The following KTN1 variants were observed in gnomAD, a reference collection of about 807,000 sequenced individuals.
KTN1 encodes the protein kinectin.
KTN1 carries 130 observed loss-of-function variants against 222.5 expected under a neutral mutation model. The observed-to-expected ratio is 0.58, with a 90% CI of 0.51 to 0.68. The LOEUF (loss-of-function observed/expected upper bound fraction) is 0.68, where lower values mean the gene tolerates loss of function less well. Among genes scored for constraint, KTN1 ranks in the 30% least tolerant of loss-of-function variants. KTN1 has a pLI of 0.00. For missense variants in KTN1, 1,508 were observed against 1,500.4 expected (o/e 1.01, Z -0.08); for synonymous variants, 512 against 496.3 (o/e 1.03, Z -0.42).
Position 55,637,103 on chromosome 14 carries a change from A to G in KTN1, c.1550-95A>G, listed in dbSNP as rs2041217021. 6.0e-6 allele frequency: 5 copies of G among 838,310 alleles called. No homozygotes were observed. In the Admixed American group the frequency reaches 1.5e-4, roughly 24 times the overall value. The allele number at this position is 838,310 out of a possible 1,614,324, so 51.9% of individuals were successfully genotyped here. On this transcript the variant is annotated intron_variant, in intron 10 of 43. Coordinates refer to ENST00000395314, the MANE Select transcript of KTN1 (RefSeq NM_001079521.2). ...GAATGGAAGCAGGAGAGATTCAAAG[A>G]AGGTTTTCTAGAGGAGAGAATGCCT...
rs555892551 is a variant in KTN1 at position 55,645,079 on chromosome 14, T to C, written c.2173-1894T>C. Among the ~76,000 whole-genome samples, 5 of 152,300 alleles carry C rather than the reference T, an allele frequency of 3.3e-5. No individual in the cohort carries two copies. In the East Asian group the frequency reaches 7.7e-4, roughly 23 times the overall value. On this transcript the variant is annotated intron_variant, in intron 18 of 43. Transcript: ENST00000395314. ...TATGGTGAATGAAGTTTCTGAACTCTATACAGGTTTAGAGGAAGAGATAAT... is the reference window on the plus strand; with the variant it reads ...TATGGTGAATGAAGTTTCTGAACTCCATACAGGTTTAGAGGAAGAGATAAT...
chr14:55,640,811 C>T (rs2041717192), intron 15 of KTN1, 122 bp from the exon 16 acceptor site: 1 of 744,312 alleles, frequency 1.3e-6, no homozygotes, highest in Non-Finnish European at 2.2e-6. Context: ...CAGAAATATA[C>T]AGTATTGCTG....
intron 22 of KTN1, 107 bp from the exon 23 acceptor site, chr14:55,650,221 T>C: frequency 1.4e-6 from 1 of 734,684 alleles, no homozygotes; most frequent in African/African-American, 1.8e-5. Context: ...TTATTTAAAA[T>C]GGGAAAGGGT....
chr14:55,630,777 C>T (rs891319603), intron 7 of KTN1, among the ~76,000 whole-genome samples: 2 of 152,168 alleles, frequency 1.3e-5, no homozygotes, highest in Non-Finnish European at 2.9e-5. Context: ...AAATTTTCAC[C>T]TTGGTAGCAG....
intron 1 of KTN1, among the ~76,000 whole-genome samples, chr14:55,581,442 GGTGTGTGT>G (rs369432241): frequency 2.0e-5 from 3 of 150,664 alleles, no homozygotes; most frequent in Non-Finnish European, 3.0e-5. Context: ...TAACTGTTAA[GGTGTGTGT>G]GTGTGTGTGA....
intron 31 of KTN1, among the ~76,000 whole-genome samples, chr14:55,660,303 A>C (rs367954303): frequency 1.3e-5 from 2 of 151,930 alleles, no homozygotes; most frequent in East Asian, 1.9e-4. Flanking sequence ...TTTTTAGCCC[A>C]GGAAGTTCGC....
intron 1 of KTN1, among the ~76,000 whole-genome samples, chr14:55,595,488 T>TA (rs2034872283): frequency 6.6e-6 from 1 of 152,226 alleles, no homozygotes; most frequent in Admixed American, 6.5e-5. Context: ...ATACAAATCT[T>TA]ACGTTCTGAA....
intron 1 of KTN1, among the ~76,000 whole-genome samples, chr14:55,590,198 T>G (rs1299098391): frequency 6.6e-6 from 1 of 152,220 alleles, no homozygotes; most frequent in Non-Finnish European, 1.5e-5. Flanking sequence ...TTTGCTTGTT[T>G]GTTTTGATTT....
At position 55,675,938 on chromosome 14, in the gene KTN1, G is replaced by C. The variant is rs775822722; in HGVS notation, c.3855+20G>C. The C allele has an allele frequency of 6.5e-7, 1 of 1,541,272 alleles. No homozygotes were observed. Among genetic ancestry groups the C allele is most frequent in the Non-Finnish European group, 9.0e-7 (1 of 1,115,030 alleles). On this transcript the variant is annotated intron_variant, in intron 41 of 43. Transcript: ENST00000395314. ...CATAAGGTAGGCACTGTTCGTCCTA[G>C]AGATGTAGTATCATGAGCCTGTGTT...
At chr14:55,637,540 C>T (rs1437180124) in intron 11 of KTN1, among the ~76,000 whole-genome samples, 176 bp downstream of exon 11, 2 of 150,826 alleles carry the variant, frequency 1.3e-5, no homozygotes, top group Admixed American at 6.6e-5. Context: ...GTGTGCTCAC[C>T]CACAGTCTTA....
rs1339859429 is a variant in KTN1, at chr14:55,636,542, G to A, written c.1549+6G>A. ...ACATGAGGCAGCACAGCAAGGTAAG[G>A]GGAAGAAGTATTCATGTAAACTTTG... is the stretch of plus-strand genomic sequence containing the variant. On this transcript the variant is annotated splice_donor_region_variant and intron_variant, in intron 10 of 43. Transcript: ENST00000395314. The A allele has an allele frequency of 6.3e-7, 1 of 1,597,112 alleles. No individual in the cohort carries two copies. The highest frequency in any genetic ancestry group is 8.6e-7 in the Non-Finnish European group (1 of 1,168,846).
At chr14:55,600,407 T>A (rs933928293) in intron 1 of KTN1, among the ~76,000 whole-genome samples, 5 of 152,078 alleles carry the variant, frequency 3.3e-5, no homozygotes, top group Admixed American at 6.6e-5. Context: ...GGTAGTGGGA[T>A]TGGACAGATT....
At chr14:55,683,113 C>G (rs2046510968) in intron 43 of KTN1, 1 of 152,150 alleles carries the variant, frequency 6.6e-6, no homozygotes, top group African/African-American at 2.4e-5. Context: ...TATCTTATTT[C>G]TACACTGAAC....
intron 1 of KTN1, among the ~76,000 whole-genome samples, chr14:55,608,317 A>G (rs543342821): frequency 6.6e-6 from 1 of 152,302 alleles, no homozygotes; most frequent in East Asian, 1.9e-4. Context: ...ATAAACACTC[A>G]TGTTTTGCCT....
chr14:55,682,044 C>G (rs957905937), intron 43 of KTN1: 2 of 152,048 alleles, frequency 1.3e-5, no homozygotes, highest in African/African-American at 2.4e-5. Flanking sequence ...TAAAAATATA[C>G]ACAAGTACTT....
At chr14:55,581,193 C>T (rs934383727) in intron 1 of KTN1, among the ~76,000 whole-genome samples, 1 of 152,186 alleles carries the variant, frequency 6.6e-6, no homozygotes, top group African/African-American at 2.4e-5. Context: ...GATGTGCAGC[C>T]CCGCATGCTG....
At chr14:55,682,231 A>T (rs781647759) in intron 43 of KTN1, 11 of 151,992 alleles carry the variant, frequency 7.2e-5, no homozygotes, top group Admixed American at 5.3e-4. Context: ...AATTTGTGAA[A>T]ACTTTTCTTT....
At chr14:55,633,893 C>CT (rs2040812472) in intron 8 of KTN1, among the ~76,000 whole-genome samples, 1 of 152,122 alleles carries the variant, frequency 6.6e-6, no homozygotes, top group African/African-American at 2.4e-5. Context: ...AATCCTGGCA[C>CT]TTTGGGAGGC....
At chr14:55,590,662 C>G (rs554575268) in intron 1 of KTN1, among the ~76,000 whole-genome samples, 1 of 151,020 alleles carries the variant, frequency 6.6e-6, no homozygotes, top group Non-Finnish European at 1.5e-5. Context: ...TCCCCTCAAC[C>G]TTGTTATCAG....
Sources: gnomAD v4.1 joint callset for allele counts (sites outside exome capture counted in the v4.1 genomes callset) on GRCh38, gnomAD v4.1.1 for gene constraint, MANE v1.5 for transcripts, NCBI Gene and HGNC (gene_info 2026-07-23, HGNC 2026-07-21) for gene names.